Variants in KLRG2 observed in about 807,000 individuals in gnomAD.
The protein encoded by KLRG2 is killer cell lectin-like receptor subfamily G member 2.
Under a neutral mutation model 35.4 loss-of-function variants are expected in KLRG2, and 39 were observed. That is an observed-to-expected ratio of 1.10 (90% CI 0.85 to 1.44). The LOEUF (loss-of-function observed/expected upper bound fraction) is 1.44. Ranked by LOEUF, KLRG2 falls within the 40% of genes most tolerant of loss-of-function variation. The pLI is 0.00. For synonymous variants in KLRG2, 283 were observed against 265.8 expected, an observed-to-expected ratio of 1.06 and a Z score of -0.63; for missense variants, 632 against 570.9, an observed-to-expected ratio of 1.11 and a Z score of -1.09.
rs547783463 is a variant in KLRG2 at position 139,454,286 on chromosome 7, G to C, written c.1006-72C>G. On this transcript the variant is annotated intron_variant, in intron 3 of 4. Coordinates refer to ENST00000340940, the MANE Select transcript of KLRG2 (RefSeq NM_198508.4). ...CTTGCCTGGGGCGTACGGATTCCCT[G>C]GGGCTTCCACAGGATCCCAGCTGGC... 1.3e-5 allele frequency: 10 copies of C among 753,360 alleles called. No individual in the cohort carries two copies. In the East Asian group the frequency reaches 2.7e-4, roughly 20 times the overall value. 46.7% of individuals were successfully genotyped at this position (753,360 alleles called of 1,614,324 possible).
chr7:139,442,359 A>G, the KLRG2 span, among the ~76,000 whole-genome samples: 1 of 152,226 alleles, frequency 6.6e-6, no homozygotes, highest in African/African-American at 2.4e-5. Flanking sequence ...CTCCTAGAGC[A>G]TACATAGCCC....
intron 3 of KLRG2, among the ~76,000 whole-genome samples, chr7:139,478,882 C>T (rs1796903116): frequency 6.6e-6 from 1 of 151,876 alleles, no homozygotes; most frequent in Admixed American, 6.6e-5. Context: ...CTGAGCTGTC[C>T]AGCCAAGCCC....
intron 3 of KLRG2, among the ~76,000 whole-genome samples, chr7:139,470,865 C>T (rs1182224572): frequency 6.7e-6 from 1 of 149,952 alleles, no homozygotes; most frequent in Non-Finnish European, 1.5e-5. Flanking sequence ...TAATTTGAGA[C>T]AGAGTCTCAC....
In KLRG2 at chr7:139,453,557, T is replaced by A; in HGVS notation, c.*30A>T. 1 of 1,570,360 alleles carries A rather than the reference T, an allele frequency of 6.4e-7. No homozygotes were observed. The highest frequency in any genetic ancestry group is 8.6e-7 in the Non-Finnish European group (1 of 1,158,052). ...CCCTGTAGGGGGTGCTGCATCTGCC[T>A]GGCAGGCTGAGGACCAGGCAGAGCC... On this transcript the variant is annotated 3_prime_UTR_variant, in exon 5 of 5. Coordinates refer to ENST00000340940, the MANE Select transcript of KLRG2 (RefSeq NM_198508.4).
At chr7:139,447,002 T>C in the KLRG2 span, among the ~76,000 whole-genome samples, 1 of 151,486 alleles carries the variant, frequency 6.6e-6, no homozygotes. Flanking sequence ...CCTCTTCGGG[T>C]TGGTCCTCAG....
intron 1 of KLRG2, among the ~76,000 whole-genome samples, chr7:139,481,248 G>A (rs113733011): frequency 3.9e-5 from 6 of 152,194 alleles, no homozygotes; most frequent in Non-Finnish European, 7.3e-5. Flanking sequence ...TTTTAGACCA[G>A]TGAGCCGGCA....
At chr7:139,454,276 C>T (rs1038902602) in intron 3 of KLRG2, 62 bp from the exon 4 acceptor site, 26 of 811,580 alleles carry the variant, frequency 3.2e-5, no homozygotes, top group East Asian at 1.3e-4. Context: ...CTGGGGCGTA[C>T]GGATTCCCTG....
At chr7:139,443,887 G>A in the KLRG2 span, among the ~76,000 whole-genome samples, 1 of 152,144 alleles carries the variant, frequency 6.6e-6, no homozygotes, top group Non-Finnish European at 1.5e-5. Flanking sequence ...TGCAAACTGA[G>A]GAGCAAGGAA....
rs185154416 is a variant in KLRG2, at chr7:139,466,179, C to A, written c.1006-11965G>T. Among the ~76,000 whole-genome samples, 4 of 152,320 alleles carry A rather than the reference C, an allele frequency of 2.6e-5. No homozygotes were observed. In the East Asian group the frequency reaches 7.7e-4, roughly 29 times the overall value. On this transcript the variant is annotated intron_variant, in intron 3 of 4. Transcript: ENST00000340940. ...CACATCAAGCTCGGGGATTTGCCCCCTGCCCAGGACTGGCAAATTGACTTT... is the reference window on the plus strand; with the variant it reads ...CACATCAAGCTCGGGGATTTGCCCCATGCCCAGGACTGGCAAATTGACTTT...
the KLRG2 span, among the ~76,000 whole-genome samples, chr7:139,438,706 G>C: frequency 6.9e-6 from 1 of 144,120 alleles, no homozygotes; most frequent in African/African-American, 2.6e-5. Flanking sequence ...ATGGAGTTTC[G>C]CTCTTGTTGC....
chr7:139,474,979 G>A (rs959264704), intron 3 of KLRG2, among the ~76,000 whole-genome samples: 1 of 152,150 alleles, frequency 6.6e-6, no homozygotes, highest in African/African-American at 2.4e-5. Context: ...CCTATTCTAG[G>A]GAGGGTCCTG....
the KLRG2 span, among the ~76,000 whole-genome samples, chr7:139,431,013 G>GGAA: frequency 2.2e-5 from 2 of 92,614 alleles, no homozygotes; most frequent in African/African-American, 6.8e-5. Context: ...CCCTGTCTCA[G>GGAA]AAAAAAAAAA....
At chr7:139,451,097 G>A (rs1796369962), downstream of KLRG2, among the ~76,000 whole-genome samples, 1 of 152,202 alleles carries the variant, frequency 6.6e-6, no homozygotes, top group Admixed American at 6.5e-5. Flanking sequence ...AGCCATTCCA[G>A]GGCTCCATCC....
At chr7:139,438,333 G>A in the KLRG2 span, among the ~76,000 whole-genome samples, 4 of 152,322 alleles carry the variant, frequency 2.6e-5, no homozygotes, top group African/African-American at 9.6e-5. Context: ...CTGGGCTCAA[G>A]TGATCCTCCC....
chr7:139,474,767 AT>A (rs1298763030), intron 3 of KLRG2, among the ~76,000 whole-genome samples: 1 of 152,194 alleles, frequency 6.6e-6, no homozygotes, highest in Non-Finnish European at 1.5e-5. Context: ...TCTCAAAAAA[AT>A]AAATAAATAA....
chr7:139,446,191 G>A, the KLRG2 span, among the ~76,000 whole-genome samples: 183 of 152,130 alleles, frequency 1.2e-3, no homozygotes, highest in African/African-American at 4.2e-3. Context: ...TACAAACTTA[G>A]AGGCTCAAAA....
chr7:139,465,177 G>C (rs142608351), intron 3 of KLRG2, among the ~76,000 whole-genome samples: 1 of 152,134 alleles, frequency 6.6e-6, no homozygotes, highest in African/African-American at 2.4e-5. Context: ...CTCTGCCCCC[G>C]TCCACTACCT....
the KLRG2 span, among the ~76,000 whole-genome samples, chr7:139,433,625 CTTTTT>C: frequency 2.5e-5 from 3 of 119,016 alleles, no homozygotes; most frequent in East Asian, 2.3e-4. Flanking sequence ...TGCGCCCGGC[CTTTTT>C]TTTTTTTTTT....
At chr7:139,473,787 G>T (rs997805380) in intron 3 of KLRG2, among the ~76,000 whole-genome samples, 2 of 152,142 alleles carry the variant, frequency 1.3e-5, no homozygotes, top group South Asian at 2.1e-4. Flanking sequence ...CGAAAAGATG[G>T]CATCCATGAA....
Sources: gnomAD v4.1 joint callset for allele counts (sites outside exome capture counted in the v4.1 genomes callset) on GRCh38, gnomAD v4.1.1 for gene constraint, MANE v1.5 for transcripts, NCBI Gene and HGNC (gene_info 2026-07-23, HGNC 2026-07-21) for gene names.